NMNAT3: variants seen among roughly 807,000 people sequenced by gnomAD.
The protein encoded by NMNAT3 is nicotinamide nucleotide adenylyltransferase 3.
A neutral mutation model predicts 24.8 loss-of-function variants in NMNAT3; 21 were observed. That is an observed-to-expected ratio of 0.85 (90% CI 0.60 to 1.22). NMNAT3 has a LOEUF of 1.22. Ranked by LOEUF, NMNAT3 falls within the 50% of genes most tolerant of loss-of-function variation. NMNAT3 has a pLI of 0.00. For synonymous variants in NMNAT3, 136 were observed against 155.2 expected (o/e 0.88, Z 0.92); for missense variants, 387 against 436.6 (o/e 0.89, Z 1.01).
intron 6 of NMNAT3, among the ~76,000 whole-genome samples, chr3:139,564,638 G>C (rs988195080): frequency 6.6e-6 from 1 of 152,216 alleles, no homozygotes; most frequent in Admixed American, 6.5e-5. Context: ...GGCAAAGCAA[G>C]GCTCTGGCAG....
chr3:139,579,922 G>A (rs1233231105), intron 4 of NMNAT3, among the ~76,000 whole-genome samples: 1 of 152,024 alleles, frequency 6.6e-6, no homozygotes, highest in Non-Finnish European at 1.5e-5. Flanking sequence ...AAATTGCATT[G>A]ATTAATTTTC....
intron 1 of NMNAT3, among the ~76,000 whole-genome samples, chr3:139,677,455 A>G (rs1193845225): frequency 6.6e-6 from 1 of 152,150 alleles, no homozygotes; most frequent in Non-Finnish European, 1.5e-5. Flanking sequence ...CGTCTCCGGG[A>G]CTCTGGTCAT....
At chr3:139,654,296 G>A (rs1022205115) in intron 1 of NMNAT3, among the ~76,000 whole-genome samples, 3 of 152,214 alleles carry the variant, frequency 2.0e-5, no homozygotes, top group South Asian at 2.1e-4. Context: ...TCAGAATAAG[G>A]ATGGTGATGA....
Position 139,568,157 on chromosome 3 carries a change from A to G in NMNAT3, c.658+5441T>C, listed in dbSNP as rs570182481. On this transcript the variant is annotated intron_variant, in intron 6 of 6. Transcript: ENST00000643695. ...GGTGTTTATAGTATTCTCTGATGGT[A>G]GTTTGTATTTCTGTGGGATTGGTGG... 668 of 152,194 alleles carry G rather than the reference A, an allele frequency of 4.4e-3. 7 individuals are homozygous for G. The highest frequency in any genetic ancestry group is 0.015 in the African/African-American group (612 of 41,538). The allele number at this position is 152,194 out of a possible 1,614,324, so 9.4% of individuals were successfully genotyped here.
chr3:139,592,401 T>C (rs1053794536), intron 3 of NMNAT3, among the ~76,000 whole-genome samples: 55 of 152,296 alleles, frequency 3.6e-4, no homozygotes, highest in Admixed American at 3.5e-3. Context: ...CTCTGCAGGA[T>C]ATTATCCAGG....
chr3:139,626,235 T>A (rs2056043082), intron 3 of NMNAT3, among the ~76,000 whole-genome samples: 2 of 152,130 alleles, frequency 1.3e-5, no homozygotes, highest in Non-Finnish European at 2.9e-5. Context: ...CTTCTGGGAT[T>A]CCAATTCCAA....
chr3:139,604,704 A>G (rs528093441), intron 3 of NMNAT3, among the ~76,000 whole-genome samples: 1 of 152,374 alleles, frequency 6.6e-6, no homozygotes, highest in South Asian at 2.1e-4. Context: ...TTGTCTACAC[A>G]CAGATGCAGT....
intron 3 of NMNAT3, among the ~76,000 whole-genome samples, chr3:139,600,065 T>C (rs2054643524): frequency 6.6e-6 from 1 of 152,188 alleles, no homozygotes; most frequent in Non-Finnish European, 1.5e-5. Context: ...TCAATTTCTC[T>C]TACTTCTTTG....
intron 3 of NMNAT3, among the ~76,000 whole-genome samples, chr3:139,600,607 T>C (rs950577102): frequency 3.9e-5 from 6 of 152,158 alleles, no homozygotes; most frequent in Non-Finnish European, 8.8e-5. Context: ...GGATCTATTC[T>C]TCTCCCTGCT....
At chr3:139,599,583 T>C (rs1179056920) in intron 3 of NMNAT3, 1 of 602,030 alleles carries the variant, frequency 1.7e-6, no homozygotes, top group Non-Finnish European at 2.9e-6. Context: ...CTCAACTAAA[T>C]GGTTATGCAT....
At chr3:139,622,865 T>TAC (rs71627862) in intron 3 of NMNAT3, among the ~76,000 whole-genome samples, 1 of 144,864 alleles carries the variant, frequency 6.9e-6, no homozygotes, top group Admixed American at 7.0e-5. Flanking sequence ...TATATATATA[T>TAC]AAACAGTATA....
chr3:139,619,246 G>A (rs534932662), intron 3 of NMNAT3, among the ~76,000 whole-genome samples: 1 of 152,098 alleles, frequency 6.6e-6, no homozygotes, highest in Non-Finnish European at 1.5e-5. Context: ...AATGTTGAAA[G>A]GTGGCAACCC....
intron 3 of NMNAT3, among the ~76,000 whole-genome samples, chr3:139,619,590 G>A (rs970846628): frequency 3.3e-5 from 5 of 152,148 alleles, no homozygotes; most frequent in African/African-American, 7.2e-5. Context: ...AATACAGTGT[G>A]TAGGTAGACC....
chr3:139,569,567 G>C (rs1396578754), intron 6 of NMNAT3: 3 of 152,144 alleles, frequency 2.0e-5, no homozygotes, highest in Non-Finnish European at 2.9e-5. Context: ...GCATTTGCTT[G>C]TCTGTAAAGG....
intron 1 of NMNAT3, among the ~76,000 whole-genome samples, chr3:139,655,880 G>C (rs2057224952): frequency 1.3e-5 from 2 of 152,188 alleles, no homozygotes; most frequent in African/African-American, 4.8e-5. Flanking sequence ...GCTTTTGAGG[G>C]TTTTCCAAGA....
At chr3:139,610,483 A>G (rs985349891) in intron 3 of NMNAT3, among the ~76,000 whole-genome samples, 12 of 152,244 alleles carry the variant, frequency 7.9e-5, no homozygotes, top group Non-Finnish European at 1.8e-4. Context: ...TGTTGGAGTA[A>G]TTCAACATTC....
chr3:139,603,171 G>A (rs531737382), intron 3 of NMNAT3, among the ~76,000 whole-genome samples: 1 of 152,282 alleles, frequency 6.6e-6, no homozygotes, highest in South Asian at 2.1e-4. Context: ...TGCAGATTGC[G>A]GATCCTTTGA....
chr3:139,656,508 A>G (rs1009271180), intron 1 of NMNAT3, among the ~76,000 whole-genome samples: 5 of 152,164 alleles, frequency 3.3e-5, no homozygotes, highest in African/African-American at 7.2e-5. Context: ...ATATGGAAAA[A>G]CAAGCAGCTA....
At chr3:139,630,514 C>T (rs1033171817) in intron 2 of NMNAT3, among the ~76,000 whole-genome samples, 1 of 152,210 alleles carries the variant, frequency 6.6e-6, no homozygotes, top group African/African-American at 2.4e-5. Context: ...TGTGTCTTTC[C>T]TATCCACTGG....
Sources: allele counts gnomAD v4.1 joint callset (sites outside exome capture counted in the v4.1 genomes callset), GRCh38; gene constraint gnomAD v4.1.1; transcripts MANE v1.5; gene names NCBI Gene and HGNC (gene_info 2026-07-23, HGNC 2026-07-21).